Variants in PCBP3 observed in about 807,000 individuals in gnomAD.
PCBP3 encodes poly(rC)-binding protein 3.
PCBP3 carries 25 observed loss-of-function variants against 52.7 expected under a neutral mutation model. The ratio of observed to expected loss-of-function variants is 0.47; its 90% CI spans 0.35 to 0.66. The LOEUF is 0.66. Among genes scored for constraint, PCBP3 ranks in the 30% least tolerant of loss-of-function variants. PCBP3 has a pLI of 0.01. For synonymous variants in PCBP3, 162 were observed against 183.0 expected, an observed-to-expected ratio of 0.89 and a Z score of 0.93; for missense variants, 391 against 490.3, an observed-to-expected ratio of 0.80 and a Z score of 1.91.
chr21:45,893,124 G>T (rs2095720887), intron 5 of PCBP3, among the ~76,000 whole-genome samples: 1 of 152,138 alleles, frequency 6.6e-6, no homozygotes, highest in African/African-American at 2.4e-5. Flanking sequence ...GAAGTGCCGG[G>T]GGCTTTTACC....
chr21:45,692,033 C>T (rs962692279), intron 2 of PCBP3, among the ~76,000 whole-genome samples: 1 of 152,158 alleles, frequency 6.6e-6, no homozygotes, highest in African/African-American at 2.4e-5. Flanking sequence ...CCGTCTTCCC[C>T]TCAAGTCATT....
At chr21:45,732,981 C>T (rs1035235452) in intron 2 of PCBP3, among the ~76,000 whole-genome samples, 1 of 152,158 alleles carries the variant, frequency 6.6e-6, no homozygotes, top group Non-Finnish European at 1.5e-5. Context: ...CCATCCCCTG[C>T]TTCTGGGTCT....
chr21:45,723,226 A>G (rs557235491), intron 2 of PCBP3, among the ~76,000 whole-genome samples: 39 of 152,300 alleles, frequency 2.6e-4, no homozygotes, highest in African/African-American at 9.4e-4. Flanking sequence ...CTCTGAGCAC[A>G]TGGCCTGCCG....
intron 3 of PCBP3, chr21:45,751,103 C>G (rs2087449174): frequency 6.6e-6 from 1 of 152,054 alleles, no homozygotes; most frequent in East Asian, 1.9e-4. Context: ...TGGAAGTCGC[C>G]CACGGTGGGA....
In PCBP3 at chr21:45,930,837, A is replaced by G. The variant is rs2076083707; in HGVS notation, c.848A>G (p.Gln283Arg). ...GAAGAAGCTCAAAATCTGATGGGCC[A>G]GTCATCAGGTAACACAAAGCCACAC... ...SSEEAQNLMGQSSGLDASPPA... is the reference protein window; with the variant it reads ...SSEEAQNLMGRSSGLDASPPA... Residue 283 changes from glutamine (Q) to arginine (R), a missense_variant, in exon 15 of 18, where the codon CAG becomes CGG. By Grantham distance (43) the Gln-to-Arg change is conservative (BLOSUM62 1). Transcript: ENST00000681687. The G allele has an allele frequency of 1.9e-6, 3 of 1,608,146 alleles. No homozygotes were observed. The highest frequency in any genetic ancestry group is 2.2e-5 in the East Asian group (1 of 44,858).
intron 11 of PCBP3, 70 bp downstream of exon 11, chr21:45,911,100 C>A: frequency 6.4e-7 from 1 of 1,556,746 alleles, no homozygotes; most frequent in Non-Finnish European, 8.8e-7. Flanking sequence ...CAGGCAAAGG[C>A]TTGGAAGCCC....
intron 2 of PCBP3, among the ~76,000 whole-genome samples, chr21:45,727,691 G>C (rs1482768489): frequency 6.6e-6 from 1 of 152,172 alleles, no homozygotes; most frequent in African/African-American, 2.4e-5. Context: ...GGCAGGTGGG[G>C]AGTGGCCCCA....
intron 5 of PCBP3, among the ~76,000 whole-genome samples, chr21:45,865,463 G>A (rs919257522): frequency 2.0e-5 from 3 of 152,196 alleles, no homozygotes; most frequent in African/African-American, 7.2e-5. Flanking sequence ...CAGAAATAAC[G>A]AAATGGAACA....
At chr21:45,909,951 GATAC>G (rs2096321382) in intron 10 of PCBP3, among the ~76,000 whole-genome samples, 1 of 43,766 alleles carries the variant, frequency 2.3e-5, no homozygotes, top group African/African-American at 1.0e-4. Context: ...CCACTTCCCA[GATAC>G]GGACCCCCCC....
intron 4 of PCBP3, among the ~76,000 whole-genome samples, chr21:45,831,962 C>T (rs895699534): frequency 3.3e-5 from 5 of 152,132 alleles, no homozygotes; most frequent in Admixed American, 2.6e-4. Flanking sequence ...CCTACCACCT[C>T]GGCCTCCCAA....
rs945796170 is a variant in PCBP3, at chr21:45,800,786, C to T, written c.-126+45334C>T. Among the ~76,000 whole-genome samples the T allele has an allele frequency of 1.3e-5, 2 of 152,222 alleles. No individual in the cohort carries two copies. Among genetic ancestry groups the T allele is most frequent in the African/African-American group, 4.8e-5 (2 of 41,458 alleles). Reference sequence around the variant, plus strand: ...TCTTTCCCTGACCTCGTTTGTGTGGCCCTGGTGCCCAATGACTGACTTTCC... The same window carrying T: ...TCTTTCCCTGACCTCGTTTGTGTGGTCCTGGTGCCCAATGACTGACTTTCC... On this transcript the variant is annotated intron_variant, in intron 4 of 17. Coordinates refer to ENST00000681687, the MANE Select transcript of PCBP3 (RefSeq NM_001384156.1). The surrounding 1 kb of genome is among the most constrained non-coding windows in gnomAD (Gnocchi z 5.3).
At chr21:45,696,274 A>G (rs1324001603) in intron 2 of PCBP3, among the ~76,000 whole-genome samples, 1 of 152,116 alleles carries the variant, frequency 6.6e-6, no homozygotes, top group Non-Finnish European at 1.5e-5. Context: ...GCTTCAGGGT[A>G]AACAAATTTT....
At chr21:45,810,025 C>T in intron 4 of PCBP3, among the ~76,000 whole-genome samples, 1 of 152,066 alleles carries the variant, frequency 6.6e-6, no homozygotes, top group East Asian at 1.9e-4. Flanking sequence ...AAATTTTAGC[C>T]TAATAGAAAA....
At chr21:45,683,523 CA>C (rs754785118) in intron 2 of PCBP3, among the ~76,000 whole-genome samples, 1 of 152,034 alleles carries the variant, frequency 6.6e-6, no homozygotes, top group Non-Finnish European at 1.5e-5. Flanking sequence ...AGATCATAGA[CA>C]AATATGTATA....
intron 9 of PCBP3, among the ~76,000 whole-genome samples, chr21:45,905,124 T>C (rs1185930491): frequency 6.6e-6 from 1 of 152,228 alleles, no homozygotes; most frequent in African/African-American, 2.4e-5. Flanking sequence ...GGCGAAGTGT[T>C]GAAATCTTAC....
At chr21:45,672,493 T>C (rs1398696173) in intron 2 of PCBP3, among the ~76,000 whole-genome samples, 1 of 152,096 alleles carries the variant, frequency 6.6e-6, no homozygotes, top group Non-Finnish European at 1.5e-5. Context: ...CATGTTTCTT[T>C]GGCAATGCAG....
intron 1 of PCBP3, among the ~76,000 whole-genome samples, chr21:45,648,068 G>A (rs2079435902): frequency 6.6e-6 from 1 of 152,206 alleles, no homozygotes; most frequent in East Asian, 1.9e-4. Context: ...GAAGCCTTTG[G>A]AAAAGGCAAG....
At chr21:45,868,991 G>C (rs957989881) in intron 5 of PCBP3, among the ~76,000 whole-genome samples, 1 of 152,252 alleles carries the variant, frequency 6.6e-6, no homozygotes. Context: ...AGACGCCCCA[G>C]CTGGAGGTTT....
chr21:45,866,452 A>G (rs181810459), intron 5 of PCBP3, among the ~76,000 whole-genome samples: 2 of 152,322 alleles, frequency 1.3e-5, no homozygotes, highest in East Asian at 3.9e-4. Flanking sequence ...GGGGCTGTGG[A>G]GAAAATGTGG....
Sources: gnomAD v4.1 joint callset for allele counts (sites outside exome capture counted in the v4.1 genomes callset) on GRCh38, gnomAD v4.1.1 for gene constraint, Gnocchi (gnomAD v3.1) non-coding constraint, MANE v1.5 for transcripts, NCBI Gene and HGNC (gene_info 2026-07-23, HGNC 2026-07-21) for gene names.